The following PRKG1 variants were observed in gnomAD, a reference collection of about 807,000 sequenced individuals.
The protein encoded by PRKG1 is cGMP-dependent protein kinase 1.
PRKG1 carries 35 observed loss-of-function variants against 88.1 expected under a neutral mutation model. The ratio of observed to expected loss-of-function variants is 0.40; its 90% confidence interval spans 0.30 to 0.53. The LOEUF (loss-of-function observed/expected upper bound fraction) is 0.53, where lower values mean the gene tolerates loss of function less well. PRKG1 is among the 20% of genes least tolerant of loss of function. The probability of loss-of-function intolerance (pLI) is 0.59; values close to 1 mark genes in which losing one functional copy is unlikely to be tolerated. For synonymous variants in PRKG1, 303 were observed against 292.5 expected, an observed-to-expected ratio of 1.04 and a Z score of -0.37; for missense variants, 540 against 839.8, an observed-to-expected ratio of 0.64 and a Z score of 4.41.
At chr10:52,255,572 T>C (rs939172898) in intron 10 of PRKG1, among the ~76,000 whole-genome samples, 2 of 152,060 alleles carry the variant, frequency 1.3e-5, no homozygotes, top group Non-Finnish European at 2.9e-5. Flanking sequence ...TTATTATGTA[T>C]ATATGTAGTG....
At chr10:52,175,734 C>T (rs933630882) in intron 9 of PRKG1, among the ~76,000 whole-genome samples, 1 of 152,072 alleles carries the variant, frequency 6.6e-6, no homozygotes, top group African/African-American at 2.4e-5. Flanking sequence ...ATTTGCACTT[C>T]CCTGATGATT....
chr10:51,918,617 C>G (rs1043757203), intron 5 of PRKG1, among the ~76,000 whole-genome samples: 2 of 152,084 alleles, frequency 1.3e-5, no homozygotes, highest in Non-Finnish European at 2.9e-5. Context: ...CACAAACCTG[C>G]TTGGTATTTG....
intron 7 of PRKG1, among the ~76,000 whole-genome samples, chr10:52,127,280 T>C (rs188949608): frequency 8.5e-5 from 13 of 152,200 alleles, no homozygotes; most frequent in African/African-American, 3.1e-4. Context: ...AGGAAAACAG[T>C]GGTTTTGAGG....
intron 1 of PRKG1, among the ~76,000 whole-genome samples, chr10:51,023,164 A>G (rs1843162415): frequency 6.6e-6 from 1 of 152,208 alleles, no homozygotes; most frequent in Non-Finnish European, 1.5e-5. Flanking sequence ...GAGTCAAGGA[A>G]GAGTACAAAT....
At chr10:51,678,255 C>T (rs1341051200) in intron 3 of PRKG1, among the ~76,000 whole-genome samples, 1 of 152,054 alleles carries the variant, frequency 6.6e-6, no homozygotes, top group African/African-American at 2.4e-5. Flanking sequence ...CAAGGGAAGC[C>T]ATTGATTGGG....
chr10:51,766,028 C>A (rs1838152991), intron 3 of PRKG1, among the ~76,000 whole-genome samples: 1 of 152,064 alleles, frequency 6.6e-6, no homozygotes, highest in Non-Finnish European at 1.5e-5. Context: ...CCTCATGTTG[C>A]AGTCACACCA....
At chr10:51,397,298 A>G (rs2132660056) in intron 2 of PRKG1, among the ~76,000 whole-genome samples, 1 of 152,298 alleles carries the variant, frequency 6.6e-6, no homozygotes, top group South Asian at 2.1e-4. Flanking sequence ...GGCCATCATG[A>G]TTAACCTTCT....
intron 1 of PRKG1, among the ~76,000 whole-genome samples, chr10:51,015,347 A>G (rs1232861551): frequency 6.6e-6 from 1 of 152,208 alleles, no homozygotes; most frequent in Non-Finnish European, 1.5e-5. Flanking sequence ...CTGTTTTCTG[A>G]GACTGTTGTA....
intron 1 of PRKG1, among the ~76,000 whole-genome samples, chr10:50,992,771 A>G (rs969353336): frequency 2.9e-5 from 4 of 137,106 alleles, no homozygotes; most frequent in Non-Finnish European, 1.6e-5. Context: ...GCCTCTGGAC[A>G]TTAGGGAGAG....
intron 2 of PRKG1, among the ~76,000 whole-genome samples, chr10:51,399,782 T>C (rs1412672707): frequency 6.6e-6 from 1 of 152,094 alleles, no homozygotes; most frequent in African/African-American, 2.4e-5. Context: ...GTGACAACAG[T>C]ACACAGTTTC....
intron 14 of PRKG1, among the ~76,000 whole-genome samples, chr10:52,287,067 G>T (rs1431237318): frequency 1.3e-5 from 2 of 151,710 alleles, no homozygotes; most frequent in Non-Finnish European, 2.9e-5. Flanking sequence ...TTTAATAATT[G>T]ATTTTAGTTT....
intron 5 of PRKG1, among the ~76,000 whole-genome samples, chr10:51,991,843 G>A (rs1844316182): frequency 6.6e-6 from 1 of 152,142 alleles, no homozygotes; most frequent in African/African-American, 2.4e-5. Flanking sequence ...AAACATACGT[G>A]TGCATGTGTC....
intron 1 of PRKG1, among the ~76,000 whole-genome samples, chr10:51,059,587 T>C (rs1049453177): frequency 6.6e-6 from 1 of 152,160 alleles, no homozygotes; most frequent in Non-Finnish European, 1.5e-5. Context: ...AAAATTATTT[T>C]AAAATTATAA....
Position 52,247,828 on chromosome 10 carries a change from G to A in PRKG1, c.1077-3742G>A, listed in dbSNP as rs565586684. Among the ~76,000 whole-genome samples, 22 of 152,208 alleles carry A rather than the reference G, an allele frequency of 1.4e-4. No individual in the cohort carries two copies. The East Asian group carries it at 3.3e-3, about 23-fold the overall frequency. Reference sequence around the variant, plus strand: ...TCGGTCGGGGAGACCCTAACCCAGCGGTGCTAGAGGAATTAAAGACGCACA... The same window carrying A: ...TCGGTCGGGGAGACCCTAACCCAGCAGTGCTAGAGGAATTAAAGACGCACA... On this transcript the variant is annotated intron_variant, in intron 9 of 17. Transcript: ENST00000373980.
intron 5 of PRKG1, among the ~76,000 whole-genome samples, chr10:52,009,204 T>C (rs1372196141): frequency 6.6e-5 from 10 of 152,080 alleles, no homozygotes; most frequent in Non-Finnish European, 1.5e-4. Context: ...ATAAGAGACA[T>C]CCAAATAGAA....
At chr10:51,594,319 T>A (rs1275155071) in intron 3 of PRKG1, among the ~76,000 whole-genome samples, 2 of 152,168 alleles carry the variant, frequency 1.3e-5, no homozygotes, top group African/African-American at 4.8e-5. Context: ...TGAGCCACCA[T>A]GCCCGGCCAA....
At chr10:51,519,144 C>A (rs1041967160) in intron 3 of PRKG1, among the ~76,000 whole-genome samples, 2 of 152,140 alleles carry the variant, frequency 1.3e-5, no homozygotes, top group African/African-American at 2.4e-5. Context: ...TAATATACAT[C>A]ATTTAACAAT....
At chr10:51,171,051 A>T (rs1846691055) in intron 2 of PRKG1, among the ~76,000 whole-genome samples, 1 of 152,140 alleles carries the variant, frequency 6.6e-6, no homozygotes, top group African/African-American at 2.4e-5. Context: ...ATCCAAAAAC[A>T]TTGAGGTGGT....
chr10:52,054,751 G>A (rs2133255218), intron 6 of PRKG1, among the ~76,000 whole-genome samples, 190 bp downstream of exon 6: 1 of 152,252 alleles, frequency 6.6e-6, no homozygotes, highest in East Asian at 1.9e-4. Context: ...TGGAAGACCA[G>A]TAAGTAGCCT....
Sources: allele counts gnomAD v4.1 joint callset (sites outside exome capture counted in the v4.1 genomes callset), GRCh38; gene constraint gnomAD v4.1.1; transcripts MANE v1.5; gene names NCBI Gene and HGNC (gene_info 2026-07-23, HGNC 2026-07-21).